Variants in CIRSR observed in about 807,000 individuals in gnomAD.
CIRSR encodes the protein corepressor of RBPJ and splicing regulator, also known as CBF1 (RBPJ) interacting corepressor 1.
chr2:174,382,611 C>T, the CIRSR span, among the ~76,000 whole-genome samples: 3 of 152,100 alleles, frequency 2.0e-5, no homozygotes, highest in African/African-American at 7.2e-5. Flanking sequence ...TGGACTCCAG[C>T]CTGGGCGACA....
the CIRSR span, among the ~76,000 whole-genome samples, chr2:174,372,727 C>A: frequency 4.6e-5 from 7 of 151,762 alleles, no homozygotes; most frequent in East Asian, 5.8e-4. Flanking sequence ...GGATTACAGG[C>A]GCCACCACCA....
At chr2:174,387,769 G>T in the CIRSR span, 1 of 1,588,988 alleles carries the variant, frequency 6.3e-7, no homozygotes, top group Non-Finnish European at 8.5e-7. Flanking sequence ...TTTCTGTTCT[G>T]CCATCCATAC....
the CIRSR span, among the ~76,000 whole-genome samples, chr2:174,385,223 A>C: frequency 6.6e-5 from 10 of 151,712 alleles, no homozygotes; most frequent in East Asian, 1.5e-3. Flanking sequence ...CTCAAAAAAA[A>C]AAAAAAAAAA....
At chr2:174,381,922 C>T in the CIRSR span, 1 of 570,962 alleles carries the variant, frequency 1.8e-6, no homozygotes, top group East Asian at 3.0e-5. Context: ...ACTCCACTAA[C>T]TAGATTACAT....
the CIRSR span, among the ~76,000 whole-genome samples, chr2:174,349,833 A>G: frequency 6.6e-6 from 1 of 152,076 alleles, no homozygotes; most frequent in African/African-American, 2.4e-5. Flanking sequence ...TGGAACTACT[A>G]AAAAAGCAAA....
the CIRSR span, among the ~76,000 whole-genome samples, chr2:174,359,953 C>T: frequency 1.2e-4 from 19 of 152,224 alleles, no homozygotes; most frequent in African/African-American, 3.9e-4. Flanking sequence ...GGCAAACTAT[C>T]GCAAGGACAG....
chr2:174,387,911 C>T, the CIRSR span: 6 of 664,112 alleles, frequency 9.0e-6, no homozygotes, highest in South Asian at 1.3e-4. Flanking sequence ...CTTCCCTGGG[C>T]CACAGAAAAC....
At chr2:174,349,184 A>G in the CIRSR span, 16 of 1,290,616 alleles carry the variant, frequency 1.2e-5, no homozygotes, top group African/African-American at 2.3e-4. Flanking sequence ...TGTAATTGGG[A>G]AATAAACAGT....
the CIRSR span, chr2:174,350,824 A>G: frequency 6.5e-6 from 7 of 1,079,392 alleles, no homozygotes; most frequent in African/African-American, 1.6e-5. Flanking sequence ...ACATTTATAA[A>G]TAAGTTTTGT....
At chr2:174,394,284 C>G in the CIRSR span, among the ~76,000 whole-genome samples, 1 of 152,170 alleles carries the variant, frequency 6.6e-6, no homozygotes, top group Non-Finnish European at 1.5e-5. Flanking sequence ...TGAATTCCAT[C>G]TAATCTCTTC....
chr2:174,379,874 C>T, the CIRSR span, among the ~76,000 whole-genome samples: 2 of 151,884 alleles, frequency 1.3e-5, 1 homozygote, highest in South Asian at 4.2e-4. Flanking sequence ...CAGGCGCCTG[C>T]CACCATGGCT....
the CIRSR span, among the ~76,000 whole-genome samples, chr2:174,353,536 C>T: frequency 6.6e-6 from 1 of 152,230 alleles, no homozygotes; most frequent in African/African-American, 2.4e-5. Flanking sequence ...GGCACGATCT[C>T]GGCTCACTGC....
chr2:174,368,360 C>T, the CIRSR span, among the ~76,000 whole-genome samples: 1 of 152,144 alleles, frequency 6.6e-6, no homozygotes, highest in Non-Finnish European at 1.5e-5. Flanking sequence ...GAATAGAAAT[C>T]ATACAAAGCA....
At chr2:174,359,356 A>AT in the CIRSR span, among the ~76,000 whole-genome samples, 1 of 149,518 alleles carries the variant, frequency 6.7e-6, no homozygotes, top group African/African-American at 2.5e-5. Flanking sequence ...AAAAAAAGAG[A>AT]TTTTAAATCC....
chr2:174,394,872 C>T, the CIRSR span, among the ~76,000 whole-genome samples: 1 of 152,192 alleles, frequency 6.6e-6, no homozygotes, highest in East Asian at 1.9e-4. Context: ...TTCACTATTT[C>T]ACTTAATCCT....
chr2:174,383,810 A>G, the CIRSR span, among the ~76,000 whole-genome samples: 1 of 151,330 alleles, frequency 6.6e-6, no homozygotes, highest in African/African-American at 2.4e-5. Flanking sequence ...TCAAAATCAC[A>G]ATGAGATATC....
the CIRSR span, among the ~76,000 whole-genome samples, chr2:174,367,199 GT>G: frequency 6.6e-6 from 1 of 151,938 alleles, no homozygotes; most frequent in Non-Finnish European, 1.5e-5. Flanking sequence ...TAATCCCAGT[GT>G]TTTGGGAGGC....
At chr2:174,365,626 T>G in the CIRSR span, among the ~76,000 whole-genome samples, 1 of 152,210 alleles carries the variant, frequency 6.6e-6, no homozygotes, top group Non-Finnish European at 1.5e-5. Context: ...AGTCACATCT[T>G]TCATGGATGG....
the CIRSR span, among the ~76,000 whole-genome samples, chr2:174,373,827 C>CGT: frequency 1.7e-4 from 6 of 34,744 alleles, no homozygotes; most frequent in Admixed American, 4.7e-4. Flanking sequence ...ATACTATCCC[C>CGT]CTGTGTGTGT....
Sources: allele counts gnomAD v4.1 joint callset (sites outside exome capture counted in the v4.1 genomes callset), GRCh38; gene constraint gnomAD v4.1.1; transcripts MANE v1.5; gene names NCBI Gene and HGNC (gene_info 2026-07-23, HGNC 2026-07-21).